BBOX1: variants seen among roughly 807,000 people sequenced by gnomAD.
BBOX1 encodes the protein gamma-butyrobetaine dioxygenase.
Under a neutral mutation model 41.6 loss-of-function variants are expected in BBOX1, and 35 were observed. That is an observed-to-expected ratio of 0.84 (90% CI 0.64 to 1.11). BBOX1 has a LOEUF of 1.11. Among genes scored for constraint, BBOX1 ranks in the 50% most tolerant of loss-of-function variants. The pLI is 0.00. For missense variants in BBOX1, 458 were observed against 460.6 expected (o/e 0.99, Z 0.05); for synonymous variants, 163 against 154.7 (o/e 1.05, Z -0.40).
At chr11:27,126,918 C>T (rs1859681064) in intron 8 of BBOX1, among the ~76,000 whole-genome samples, 1 of 152,124 alleles carries the variant, frequency 6.6e-6, no homozygotes, top group Non-Finnish European at 1.5e-5. Flanking sequence ...TCGTGATCCG[C>T]CCACCTCGGC....
At chr11:27,088,924 A>G (rs2134032725) in intron 4 of BBOX1, among the ~76,000 whole-genome samples, 1 of 152,152 alleles carries the variant, frequency 6.6e-6, no homozygotes, top group African/African-American at 2.4e-5. Flanking sequence ...AGCTATTATT[A>G]TTGATACTAT....
chr11:27,123,113 C>T (rs1859526053), intron 7 of BBOX1, among the ~76,000 whole-genome samples: 1 of 152,090 alleles, frequency 6.6e-6, no homozygotes. Flanking sequence ...ACAAAATTTG[C>T]TTTCCATTCC....
At chr11:27,089,626 G>A (rs1233698202) in intron 4 of BBOX1, among the ~76,000 whole-genome samples, 1 of 151,942 alleles carries the variant, frequency 6.6e-6, no homozygotes, top group Admixed American at 6.6e-5. Context: ...AAATGGTGAT[G>A]GGAAATCGAA....
chr11:27,047,474 C>T (rs975718103), intron 2 of BBOX1, among the ~76,000 whole-genome samples: 1 of 152,096 alleles, frequency 6.6e-6, no homozygotes, highest in African/African-American at 2.4e-5. Context: ...CCATGTTCCT[C>T]ATGGTAGAAA....
chr11:27,047,100 T>C (rs957509036), intron 2 of BBOX1: 1 of 152,198 alleles, frequency 6.6e-6, no homozygotes, highest in Non-Finnish European at 1.5e-5. Context: ...TCTACAGAGA[T>C]ACCTAAGTAA....
chr11:27,046,435 C>CCCAG (rs1314554656), intron 2 of BBOX1: 1 of 53,086 alleles, frequency 1.9e-5, no homozygotes, highest in East Asian at 4.0e-4. Context: ...GGAAACACAC[C>CCCAG]ACAGACACAC....
At chr11:27,045,116 T>C (rs1225233327) in intron 2 of BBOX1, among the ~76,000 whole-genome samples, 1 of 152,190 alleles carries the variant, frequency 6.6e-6, no homozygotes, top group African/African-American at 2.4e-5. Context: ...AGCAATGGTT[T>C]GTAGTTCTCC....
intron 2 of BBOX1, among the ~76,000 whole-genome samples, chr11:27,043,719 T>G (rs1259836642): frequency 6.6e-6 from 1 of 152,114 alleles, no homozygotes; most frequent in Non-Finnish European, 1.5e-5. Flanking sequence ...TTGTGATAGT[T>G]TGCTGAGAAT....
At position 27,057,378 on chromosome 11, in the gene BBOX1, A is replaced by G. The variant is rs549979221; in HGVS notation, c.334+63A>G. ...TTACAGTAAAGGATTTTTATTAAGA[A>G]ATTTGCTCACAGAAAATTCAAACCT... On this transcript the variant is annotated intron_variant, in intron 4 of 8. Coordinates refer to ENST00000263182, the MANE Select transcript of BBOX1 (RefSeq NM_003986.3). 3.0e-6 allele frequency: 4 copies of G among 1,329,306 alleles called. No homozygotes were observed. The East Asian group carries it at 9.5e-5, about 31-fold the overall frequency. 82.3% of individuals were successfully genotyped at this position (1,329,306 alleles called of 1,614,324 possible).
At chr11:27,073,197 T>C (rs1263553204) in intron 4 of BBOX1, among the ~76,000 whole-genome samples, 1 of 151,984 alleles carries the variant, frequency 6.6e-6, no homozygotes, top group Non-Finnish European at 1.5e-5. Context: ...GAATCTACAA[T>C]GAACTCAAAC....
intron 4 of BBOX1, 117 bp downstream of exon 4, chr11:27,057,432 T>C: frequency 1.6e-5 from 12 of 762,646 alleles, no homozygotes; most frequent in East Asian, 2.8e-5. Flanking sequence ...ATGTGACATG[T>C]AAATTATGTG....
chr11:27,109,591 G>T (rs960067568), intron 5 of BBOX1, among the ~76,000 whole-genome samples: 4 of 152,036 alleles, frequency 2.6e-5, no homozygotes, highest in Non-Finnish European at 2.9e-5. Flanking sequence ...AGGCAGGAAA[G>T]TGTGTAGTGC....
chr11:27,065,032 G>T (rs559887248), intron 4 of BBOX1, among the ~76,000 whole-genome samples: 1 of 152,186 alleles, frequency 6.6e-6, no homozygotes, highest in Admixed American at 6.5e-5. Context: ...CCCCTAACCT[G>T]ATGGTCTTTC....
intron 5 of BBOX1, among the ~76,000 whole-genome samples, chr11:27,110,767 T>C (rs1290887381): frequency 6.6e-6 from 1 of 152,002 alleles, no homozygotes; most frequent in East Asian, 1.9e-4. Context: ...TGTCTTTTTG[T>C]TCCCTGCTGT....
intron 2 of BBOX1, among the ~76,000 whole-genome samples, chr11:27,053,106 A>G (rs1204389663): frequency 6.6e-6 from 1 of 152,070 alleles, no homozygotes; most frequent in Non-Finnish European, 1.5e-5. Context: ...ACCGATATGC[A>G]TTCAGCAATG....
Position 27,098,313 on chromosome 11 carries a change from C to A in BBOX1, c.533+4947C>A, listed in dbSNP as rs138187362. On this transcript the variant is annotated intron_variant, in intron 5 of 8. Transcript: ENST00000263182. ...CTGTTCTGTGAAACCACTACCAGTA[C>A]CTCATCCCCAAGCCCTGGCATTATA... Among the ~76,000 whole-genome samples the A allele has an allele frequency of 5.7e-3, 870 of 152,134 alleles. 9 individuals are homozygous for A. Among genetic ancestry groups the A allele is most frequent in the Non-Finnish European group, 7.6e-3 (516 of 67,990 alleles).
intron 5 of BBOX1, among the ~76,000 whole-genome samples, chr11:27,100,922 G>A (rs1019504910): frequency 6.6e-6 from 1 of 152,012 alleles, no homozygotes; most frequent in Non-Finnish European, 1.5e-5. Flanking sequence ...ACAGGTGGCT[G>A]TTATTGGGAT....
At chr11:27,070,432 G>A (rs1857406715) in intron 4 of BBOX1, among the ~76,000 whole-genome samples, 1 of 152,014 alleles carries the variant, frequency 6.6e-6, no homozygotes, top group Non-Finnish European at 1.5e-5. Flanking sequence ...TTATAAATTT[G>A]GGAGCTCCAG....
intron 4 of BBOX1, among the ~76,000 whole-genome samples, chr11:27,086,013 A>C (rs1189512367): frequency 6.6e-6 from 1 of 152,124 alleles, no homozygotes; most frequent in Non-Finnish European, 1.5e-5. Flanking sequence ...AGCCTGAGAG[A>C]GGTAAAGAAG....
Sources: gnomAD v4.1 joint callset for allele counts (sites outside exome capture counted in the v4.1 genomes callset) on GRCh38, gnomAD v4.1.1 for gene constraint, MANE v1.5 for transcripts, NCBI Gene and HGNC (gene_info 2026-07-23, HGNC 2026-07-21) for gene names.